Variants in MTSS1 observed in about 807,000 individuals in gnomAD.
MTSS1 encodes the protein protein MTSS 1.
Under a neutral mutation model 79.0 loss-of-function variants are expected in MTSS1, and 18 were observed. The observed-to-expected ratio is 0.23, with a 90% confidence interval of 0.16 to 0.34. The LOEUF is 0.34. Ranked by LOEUF, MTSS1 falls within the 10% of genes least tolerant of loss-of-function variation. MTSS1 has a pLI of 1.00. For missense variants in MTSS1, 815 were observed against 986.2 expected, an observed-to-expected ratio of 0.83 and a Z score of 2.33; for synonymous variants, 341 against 368.6, an observed-to-expected ratio of 0.93 and a Z score of 0.86.
At chr8:124,632,432 T>C (rs1051925135) in intron 3 of MTSS1, among the ~76,000 whole-genome samples, 4 of 151,982 alleles carry the variant, frequency 2.6e-5, no homozygotes, top group Admixed American at 6.6e-5. Context: ...GAGAAATACT[T>C]GCAGCCAGGA....
intron 5 of MTSS1, among the ~76,000 whole-genome samples, chr8:124,585,379 C>T (rs1251875206): frequency 6.6e-6 from 1 of 151,982 alleles, no homozygotes; most frequent in Non-Finnish European, 1.5e-5. Context: ...CTGTCATATT[C>T]ACTCATACCA....
In MTSS1 at chr8:124,699,464, C is replaced by G. The variant is rs967560300; in HGVS notation, c.208+62G>C. The G allele has an allele frequency of 4.8e-6, 7 of 1,473,152 alleles. No individual in the cohort carries two copies. In the African/African-American group the frequency reaches 9.7e-5, roughly 20 times the overall value. 91.3% of individuals were successfully genotyped at this position (1,473,152 alleles called of 1,614,324 possible). ...AGCTGCATCTTCTTGTGCAGCCACC[C>G]AAGGGGAAGAGTCCACGTGCAGAAT... On this transcript the variant is annotated intron_variant, in intron 3 of 13. Transcript: ENST00000518547.
At chr8:124,714,745 G>A (rs1419383677) in intron 1 of MTSS1, among the ~76,000 whole-genome samples, 1 of 152,238 alleles carries the variant, frequency 6.6e-6, no homozygotes, top group East Asian at 1.9e-4. Context: ...TTGATTACAG[G>A]CATGAGCCAC....
intron 3 of MTSS1, among the ~76,000 whole-genome samples, chr8:124,655,545 G>A (rs150384194): frequency 3.9e-5 from 6 of 152,302 alleles, no homozygotes; most frequent in South Asian, 2.1e-4. Context: ...CACGCCATGC[G>A]CAGGAGCCCG....
chr8:124,625,454 G>A (rs1814473173), intron 3 of MTSS1, among the ~76,000 whole-genome samples: 2 of 152,236 alleles, frequency 1.3e-5, no homozygotes, highest in African/African-American at 4.8e-5. Context: ...AGGGAAATGA[G>A]TGCATGGTTG....
Position 124,573,804 on chromosome 8 carries a change from GT to G in MTSS1, c.461-5269del, listed in dbSNP as rs923365843. On this transcript the variant is annotated intron_variant, in intron 6 of 13. Coordinates refer to ENST00000518547, the MANE Select transcript of MTSS1 (RefSeq NM_014751.6). ...TTAGGCATCTTCAGTCTTGAGTTTT[GT>G]TTTTTTCCTGGTGCTAGTTTCCAGG... 3.3e-5 allele frequency among the ~76,000 whole-genome samples: 5 copies of G among 152,130 alleles called. No individual in the cohort carries two copies. The South Asian group carries it at 6.2e-4, about 19-fold the overall frequency.
At chr8:124,556,807 C>G (rs138958225) in intron 11 of MTSS1, among the ~76,000 whole-genome samples, 8 of 152,240 alleles carry the variant, frequency 5.3e-5, no homozygotes, top group Non-Finnish European at 1.0e-4. Context: ...TGGCCACCAG[C>G]GAGCACTAAA....
chr8:124,723,355 A>G (rs1833222184), intron 1 of MTSS1, among the ~76,000 whole-genome samples: 1 of 152,128 alleles, frequency 6.6e-6, no homozygotes, highest in African/African-American at 2.4e-5. Context: ...CAAAATCCAA[A>G]CTCAGCTTAC....
chr8:124,643,504 C>T (rs1237293415), intron 3 of MTSS1, among the ~76,000 whole-genome samples: 1 of 151,928 alleles, frequency 6.6e-6, no homozygotes, highest in East Asian at 1.9e-4. Flanking sequence ...TCGAAACCAG[C>T]CTGACCAACA....
At chr8:124,718,747 T>C (rs1374086926) in intron 1 of MTSS1, among the ~76,000 whole-genome samples, 2 of 152,042 alleles carry the variant, frequency 1.3e-5, no homozygotes, top group Non-Finnish European at 2.9e-5. Flanking sequence ...TGCAGAGTGG[T>C]TACTGGAGCG....
intron 3 of MTSS1, among the ~76,000 whole-genome samples, chr8:124,653,541 T>C (rs1040774623): frequency 1.3e-5 from 2 of 152,082 alleles, no homozygotes; most frequent in Non-Finnish European, 2.9e-5. Context: ...CTGACCAACA[T>C]GGTGAAACCC....
At chr8:124,633,035 G>A (rs1325662411) in intron 3 of MTSS1, among the ~76,000 whole-genome samples, 1 of 152,084 alleles carries the variant, frequency 6.6e-6, no homozygotes, top group African/African-American at 2.4e-5. Flanking sequence ...GTGGCGCGGG[G>A]CATGGTAGCT....
chr8:124,696,790 G>A (rs13258900), intron 3 of MTSS1, among the ~76,000 whole-genome samples: 54,500 of 151,108 alleles, frequency 0.36, 10,562 homozygotes, highest in Non-Finnish European at 0.41. Context: ...GGGGAAGGTT[G>A]CAGTGAGCTG....
At chr8:124,599,789 C>A (rs1179940850) in intron 3 of MTSS1, among the ~76,000 whole-genome samples, 2 of 152,136 alleles carry the variant, frequency 1.3e-5, no homozygotes, top group Non-Finnish European at 2.9e-5. Context: ...ATGGCAGGCA[C>A]ACTCCACGCA....
At chr8:124,657,650 G>C (rs1432247092) in intron 3 of MTSS1, among the ~76,000 whole-genome samples, 1 of 152,128 alleles carries the variant, frequency 6.6e-6, no homozygotes, top group Non-Finnish European at 1.5e-5. Context: ...ATACATCATG[G>C]ACAAGAGCAC....
chr8:124,638,304 G>A lies in MTSS1; in HGVS notation c.209-47069C>T, dbSNP rs76802328. On this transcript the variant is annotated intron_variant, in intron 3 of 13. Coordinates refer to ENST00000518547, the MANE Select transcript of MTSS1 (RefSeq NM_014751.6). ...GGAAACTGCAGTTCAATTGTTAAGC[G>A]TCTCTCTCTTCAACCCATGGAGCTA... Among the ~76,000 whole-genome samples the A allele has an allele frequency of 6.4e-4, 97 of 152,298 alleles. No individual in the cohort carries two copies. In the East Asian group the frequency reaches 0.016, roughly 25 times the overall value.
chr8:124,606,417 G>A (rs1011117025), intron 3 of MTSS1, among the ~76,000 whole-genome samples: 1 of 152,076 alleles, frequency 6.6e-6, no homozygotes, highest in South Asian at 2.1e-4. Flanking sequence ...CCAAAGTGCC[G>A]GGACTACAGG....
chr8:124,613,584 A>G (rs1587286868), intron 3 of MTSS1, among the ~76,000 whole-genome samples: 2 of 152,212 alleles, frequency 1.3e-5, no homozygotes, highest in African/African-American at 4.8e-5. Context: ...GGAGAGTATC[A>G]CTGCCTCCAA....
chr8:124,684,308 C>T lies in MTSS1; in HGVS notation c.208+15218G>A, dbSNP rs560076740. On this transcript the variant is annotated intron_variant, in intron 3 of 13. Transcript: ENST00000518547. ...AGGAATTCATATTCATAATTAATGACGCTTTTGTCCATGCCAGAAGGAAAA... is the reference window on the plus strand; with the variant it reads ...AGGAATTCATATTCATAATTAATGATGCTTTTGTCCATGCCAGAAGGAAAA... Among the ~76,000 whole-genome samples, 5 of 152,248 alleles carry T rather than the reference C, an allele frequency of 3.3e-5. No homozygotes were observed. The South Asian group carries it at 8.3e-4, about 25-fold the overall frequency.
Sources: allele counts gnomAD v4.1 joint callset (sites outside exome capture counted in the v4.1 genomes callset), GRCh38; gene constraint gnomAD v4.1.1; transcripts MANE v1.5; gene names NCBI Gene and HGNC (gene_info 2026-07-23, HGNC 2026-07-21).